Variants in CPPED1 observed in about 807,000 individuals in gnomAD.
CPPED1 encodes calcineurin like phosphoesterase domain containing 1.
Under a neutral mutation model 28.0 loss-of-function variants are expected in CPPED1, and 28 were observed. The observed-to-expected ratio is 1.00, with a 90% CI of 0.74 to 1.37. The LOEUF is 1.37. Ranked by LOEUF, CPPED1 falls within the 40% of genes most tolerant of loss-of-function variation. The pLI is 0.00. For missense variants in CPPED1, 504 were observed against 416.5 expected, an observed-to-expected ratio of 1.21 and a Z score of -1.83; for synonymous variants, 198 against 180.2, an observed-to-expected ratio of 1.10 and a Z score of -0.79.
At chr16:12,683,388 C>T (rs1341357587) in intron 3 of CPPED1, among the ~76,000 whole-genome samples, 1 of 152,110 alleles carries the variant, frequency 6.6e-6, no homozygotes, top group African/African-American at 2.4e-5. Flanking sequence ...GTCCATTCCC[C>T]TTCTCTCGTC....
At chr16:12,715,783 G>A (rs370407605) in intron 2 of CPPED1, among the ~76,000 whole-genome samples, 14 of 152,134 alleles carry the variant, frequency 9.2e-5, no homozygotes, top group African/African-American at 2.2e-4. Flanking sequence ...CAGCTTCACC[G>A]TCCCAAAGTG....
In CPPED1 at chr16:12,803,847, C is replaced by T; in HGVS notation, c.-71G>A. On this transcript the variant is annotated 5_prime_UTR_variant, in exon 1 of 4. Transcript: ENST00000381774. The stretch of plus-strand genomic sequence containing the variant: ...AGCCGCGCGACTTCACACAGAACAA[C>T]CGCTGGACCTGTCCCGCTTTGGGCG... The T allele has an allele frequency of 7.1e-7, 1 of 1,417,984 alleles. No individual in the cohort carries two copies. Among genetic ancestry groups the T allele is most frequent in the Non-Finnish European group, 9.6e-7 (1 of 1,046,266 alleles). The allele number at this position is 1,417,984 out of a possible 1,614,324, so 87.8% of individuals were successfully genotyped here. A position where few individuals can be genotyped will look rare whatever the true frequency, so the allele number is the denominator to read the frequency against.
intron 2 of CPPED1, among the ~76,000 whole-genome samples, chr16:12,745,236 G>A (rs1356329015): frequency 1.3e-5 from 2 of 152,120 alleles, no homozygotes; most frequent in African/African-American, 2.4e-5. Flanking sequence ...CAAATATGAT[G>A]CGAGTTATGA....
chr16:12,705,135 T>TA, intron 2 of CPPED1, 86 bp from the exon 3 acceptor site: 2 of 1,366,794 alleles, frequency 1.5e-6, no homozygotes, highest in Non-Finnish European at 9.8e-7. Context: ...ACATAAAATT[T>TA]AAAAAAAGAG....
intron 2 of CPPED1, among the ~76,000 whole-genome samples, chr16:12,773,079 T>G (rs1238012825): frequency 6.6e-6 from 1 of 152,202 alleles, no homozygotes; most frequent in Non-Finnish European, 1.5e-5. Flanking sequence ...CTTTCTGAAC[T>G]TTTGAGATGG....
chr16:12,673,035 G>C (rs1344894232), intron 3 of CPPED1, among the ~76,000 whole-genome samples: 1 of 150,862 alleles, frequency 6.6e-6, no homozygotes, highest in Admixed American at 6.6e-5. Flanking sequence ...AAAGAAAAGA[G>C]AAAAAAAAAG....
intron 1 of CPPED1, among the ~76,000 whole-genome samples, chr16:12,801,352 C>G (rs2080658232): frequency 6.6e-6 from 1 of 152,178 alleles, no homozygotes; most frequent in Non-Finnish European, 1.5e-5. Context: ...CTCAGTCTCC[C>G]AAAGTGCTGG....
At chr16:12,763,035 C>A (rs908088136) in intron 2 of CPPED1, among the ~76,000 whole-genome samples, 1 of 152,042 alleles carries the variant, frequency 6.6e-6, no homozygotes, top group African/African-American at 2.4e-5. Context: ...TCAAGACCAG[C>A]CTGGCCAACA....
At chr16:12,672,177 ACTT>A (rs760913372) in intron 3 of CPPED1, among the ~76,000 whole-genome samples, 41 of 152,378 alleles carry the variant, frequency 2.7e-4, no homozygotes, top group Non-Finnish European at 2.9e-4. Flanking sequence ...AATTCCATTG[ACTT>A]CTTATTAGAA....
rs1476807072 is a variant in CPPED1 at position 12,704,911 on chromosome 16, C to A, written c.428G>T (p.Cys143Phe). 1.2e-6 allele frequency: 2 copies of A among 1,614,156 alleles called. No homozygotes were observed. The highest frequency in any genetic ancestry group is 1.7e-6 in the Non-Finnish European group (2 of 1,180,026). ...TPTAETVEEF[C>F]RTWGDDYFSF... ...GAAGTAGTCATCTCCCCAAGTCCGG[C>A]AGAACTCCTCGACGGTCTCGGCCGT... Residue 143 changes from cysteine (C) to phenylalanine (F), a missense_variant, in exon 3 of 4, where the codon TGC (cysteine) becomes TTC (phenylalanine). Physicochemically the swap from Cys to Phe is radical, Grantham distance 205. Transcript: ENST00000381774.
intron 2 of CPPED1, among the ~76,000 whole-genome samples, chr16:12,727,113 G>A (rs1302990417): frequency 6.6e-6 from 1 of 152,146 alleles, no homozygotes; most frequent in Non-Finnish European, 1.5e-5. Context: ...TATACAACTG[G>A]AGCCCTGCGT....
intron 2 of CPPED1, among the ~76,000 whole-genome samples, chr16:12,764,524 G>C (rs1214995569): frequency 6.6e-6 from 1 of 151,992 alleles, no homozygotes; most frequent in African/African-American, 2.4e-5. Flanking sequence ...TTTTTTTGTA[G>C]AGTTGGAGTT....
At chr16:12,706,671 G>A (rs1042846386) in intron 2 of CPPED1, among the ~76,000 whole-genome samples, 1 of 151,932 alleles carries the variant, frequency 6.6e-6, no homozygotes, top group Admixed American at 6.5e-5. Flanking sequence ...CAGCCCCAGG[G>A]CCAGCCTGGA....
chr16:12,728,683 A>C (rs1441681534), intron 2 of CPPED1, among the ~76,000 whole-genome samples: 1 of 152,208 alleles, frequency 6.6e-6, no homozygotes, highest in East Asian at 1.9e-4. Flanking sequence ...TTCCTGGCTG[A>C]CCAGGTGGCT....
At chr16:12,799,174 G>C (rs1407400221) in intron 1 of CPPED1, among the ~76,000 whole-genome samples, 2 of 152,104 alleles carry the variant, frequency 1.3e-5, no homozygotes, top group Admixed American at 6.6e-5. Flanking sequence ...GTGATTTTTA[G>C]GGACTGTTGC....
chr16:12,715,876 A>T (rs1036592160), intron 2 of CPPED1, among the ~76,000 whole-genome samples: 1 of 152,180 alleles, frequency 6.6e-6, no homozygotes, highest in Non-Finnish European at 1.5e-5. Flanking sequence ...GCCCGTATGC[A>T]GCCCAGGATG....
chr16:12,728,160 T>C (rs904229045), intron 2 of CPPED1, among the ~76,000 whole-genome samples: 10 of 152,172 alleles, frequency 6.6e-5, no homozygotes. Flanking sequence ...ATTGCTCTTA[T>C]CAGCAAGTAT....
At chr16:12,784,995 C>T (rs950823379) in intron 1 of CPPED1, among the ~76,000 whole-genome samples, 1 of 152,200 alleles carries the variant, frequency 6.6e-6, no homozygotes, top group Non-Finnish European at 1.5e-5. Flanking sequence ...TATCAGTATT[C>T]AATCTACCTT....
intron 3 of CPPED1, among the ~76,000 whole-genome samples, chr16:12,668,376 A>G (rs187613321): frequency 7.9e-5 from 12 of 152,340 alleles, no homozygotes; most frequent in Admixed American, 2.0e-4. Context: ...TAAAGCATAT[A>G]TAAGTTATTG....
Sources: gnomAD v4.1 joint callset for allele counts (sites outside exome capture counted in the v4.1 genomes callset) on GRCh38, gnomAD v4.1.1 for gene constraint, MANE v1.5 for transcripts, NCBI Gene and HGNC (gene_info 2026-07-23, HGNC 2026-07-21) for gene names.